CCSER1: variants seen among roughly 807,000 people sequenced by gnomAD.
CCSER1 encodes serine-rich coiled-coil domain-containing protein 1.
CCSER1 carries 41 observed loss-of-function variants against 82.0 expected under a neutral mutation model. The ratio of observed to expected loss-of-function variants is 0.50; its 90% CI spans 0.39 to 0.65. CCSER1 has a LOEUF of 0.65. Ranked by LOEUF, CCSER1 falls within the 30% of genes least tolerant of loss-of-function variation. CCSER1 has a pLI of 0.00. For synonymous variants in CCSER1, 414 were observed against 383.9 expected (o/e 1.08, Z -0.92); for missense variants, 1,119 against 1,064.2 (o/e 1.05, Z -0.72).
At chr4:90,751,175 C>T (rs897368907) in intron 7 of CCSER1, among the ~76,000 whole-genome samples, 8 of 151,988 alleles carry the variant, frequency 5.3e-5, no homozygotes, top group Admixed American at 2.0e-4. Context: ...TAAGACATTG[C>T]CATAAGCCCC....
chr4:90,780,664 A>T (rs1031133345), intron 7 of CCSER1: 1 of 1,361,066 alleles, frequency 7.3e-7, no homozygotes, highest in Admixed American at 3.4e-5. Flanking sequence ...TCTTAAAATA[A>T]TAATGAACTA....
intron 10 of CCSER1, among the ~76,000 whole-genome samples, chr4:91,230,930 G>A (rs1738579150): frequency 6.6e-6 from 1 of 151,710 alleles, no homozygotes. Flanking sequence ...AAATTCAAAA[G>A]AATTTTAGAA....
intron 1 of CCSER1, among the ~76,000 whole-genome samples, chr4:90,189,469 G>T (rs1735217639): frequency 6.6e-6 from 1 of 151,818 alleles, no homozygotes; most frequent in South Asian, 2.1e-4. Context: ...GACGTGCACT[G>T]AGCATATGGA....
intron 10 of CCSER1, among the ~76,000 whole-genome samples, chr4:91,381,736 C>T (rs1750911141): frequency 6.6e-6 from 1 of 152,332 alleles, no homozygotes; most frequent in Admixed American, 6.5e-5. Context: ...GCCTTCTTCT[C>T]TCAACTCGTC....
intron 10 of CCSER1, among the ~76,000 whole-genome samples, chr4:91,190,075 T>C (rs539471154): frequency 1.3e-5 from 2 of 152,164 alleles, no homozygotes; most frequent in Non-Finnish European, 2.9e-5. Flanking sequence ...GCTATAGCCT[T>C]AATTTACTAG....
chr4:91,393,693 C>G (rs1271915711), intron 10 of CCSER1, among the ~76,000 whole-genome samples: 2 of 151,954 alleles, frequency 1.3e-5, no homozygotes, highest in Non-Finnish European at 2.9e-5. Flanking sequence ...TGTTTTTCTC[C>G]TGCTGTATCT....
At chr4:91,441,238 C>T (rs902792460) in intron 10 of CCSER1, among the ~76,000 whole-genome samples, 6 of 151,498 alleles carry the variant, frequency 4.0e-5, no homozygotes, top group African/African-American at 1.2e-4. Flanking sequence ...ACTGGCAAAC[C>T]GAATCCAGCA....
At chr4:91,542,070 G>C (rs1482621231) in intron 10 of CCSER1, among the ~76,000 whole-genome samples, 4 of 152,032 alleles carry the variant, frequency 2.6e-5, no homozygotes, top group African/African-American at 9.7e-5. Context: ...ATTTTTGATG[G>C]GGTTGTTTGA....
chr4:90,655,637 T>C (rs1279210947), intron 6 of CCSER1, among the ~76,000 whole-genome samples: 1 of 151,968 alleles, frequency 6.6e-6, no homozygotes, highest in East Asian at 1.9e-4. Context: ...CCTAGATCTT[T>C]CCTTATAGTT....
At chr4:91,127,360 C>T (rs376989032) in intron 10 of CCSER1, among the ~76,000 whole-genome samples, 73 of 152,002 alleles carry the variant, frequency 4.8e-4, no homozygotes, top group Non-Finnish European at 6.3e-4. Context: ...TTCCTGTAAC[C>T]GTAGAGACCA....
chr4:91,580,392 T>G (rs1157024648), intron 10 of CCSER1, among the ~76,000 whole-genome samples: 1 of 151,860 alleles, frequency 6.6e-6, no homozygotes, highest in Admixed American at 6.6e-5. Context: ...ATTTGATTCT[T>G]TAATCTTTCT....
chr4:90,447,348 A>G (rs1415825099), intron 4 of CCSER1, among the ~76,000 whole-genome samples: 1 of 152,154 alleles, frequency 6.6e-6, no homozygotes, highest in Non-Finnish European at 1.5e-5. Context: ...GGGAAAAAAA[A>G]AAAAGAATGA....
intron 10 of CCSER1, among the ~76,000 whole-genome samples, chr4:91,190,512 T>G (rs2149047460): frequency 6.6e-6 from 1 of 152,294 alleles, no homozygotes; most frequent in African/African-American, 2.4e-5. Flanking sequence ...TAAAGGAAAT[T>G]TTTTGAACTT....
rs552974629 is a variant in CCSER1 at position 91,091,423 on chromosome 4, AAC to A, written c.2217+5431_2217+5432del. 4.6e-5 allele frequency among the ~76,000 whole-genome samples: 7 copies of A among 152,318 alleles called. No individual in the cohort carries two copies. The East Asian group carries it at 1.2e-3, about 25-fold the overall frequency. Reference sequence around the variant, plus strand: ...TACTAGGCATTCATAATAACTATAGAACAAAAAAAATTGTCTTAACGTGTTGT... The same window carrying A: ...TACTAGGCATTCATAATAACTATAGAAAAAAAAATTGTCTTAACGTGTTGT... On this transcript the variant is annotated intron_variant, in intron 10 of 10. Coordinates refer to ENST00000509176, the MANE Select transcript of CCSER1 (RefSeq NM_001145065.2).
intron 6 of CCSER1, among the ~76,000 whole-genome samples, chr4:90,716,883 G>A (rs1741740876): frequency 6.6e-6 from 1 of 152,098 alleles, no homozygotes; most frequent in African/African-American, 2.4e-5. Flanking sequence ...ACACTGTTTT[G>A]TGAAAATTAT....
chr4:91,352,492 C>T (rs1748545382), intron 10 of CCSER1, among the ~76,000 whole-genome samples: 1 of 152,172 alleles, frequency 6.6e-6, no homozygotes, highest in African/African-American at 2.4e-5. Context: ...GATCTGCCCG[C>T]CTCAGCATCC....
chr4:90,707,077 C>T lies in CCSER1; in HGVS notation c.1933-16837C>T, dbSNP rs113182160. The stretch of plus-strand genomic sequence containing the variant: ...GCCATCAGACTGTATCACTTGCTAC[C>T]CCTCTTCATTGTAGTCTTCATCCCA... On this transcript the variant is annotated intron_variant, in intron 6 of 10. Coordinates refer to ENST00000509176, the MANE Select transcript of CCSER1 (RefSeq NM_001145065.2). Among the ~76,000 whole-genome samples, 933 of 152,170 alleles carry T rather than the reference C, an allele frequency of 6.1e-3. 4 individuals carry two copies. Among genetic ancestry groups the T allele is most frequent in the Non-Finnish European group, 8.2e-3 (555 of 68,002 alleles).
chr4:90,230,268 T>C (rs1235171209), intron 1 of CCSER1, among the ~76,000 whole-genome samples: 1 of 152,008 alleles, frequency 6.6e-6, no homozygotes, highest in African/African-American at 2.4e-5. Flanking sequence ...TATAACAAAC[T>C]GTCTCTCAGA....
intron 10 of CCSER1, among the ~76,000 whole-genome samples, chr4:91,294,046 G>A (rs1457694502): frequency 6.6e-6 from 1 of 151,524 alleles, no homozygotes; most frequent in Non-Finnish European, 1.5e-5. Flanking sequence ...CTCATTTATT[G>A]TGGGTAGCTG....
Sources: gnomAD v4.1 joint callset for allele counts (sites outside exome capture counted in the v4.1 genomes callset) on GRCh38, gnomAD v4.1.1 for gene constraint, MANE v1.5 for transcripts, NCBI Gene and HGNC (gene_info 2026-07-23, HGNC 2026-07-21) for gene names.